The following HMOX2 variants were observed in gnomAD, a reference collection of about 807,000 sequenced individuals.
HMOX2 encodes heme oxygenase 2.
Under a neutral mutation model 33.7 loss-of-function variants are expected in HMOX2, and 30 were observed. The observed-to-expected ratio is 0.89, with a 90% CI of 0.67 to 1.21. The LOEUF is 1.21. Among genes scored for constraint, HMOX2 ranks in the 50% most tolerant of loss-of-function variants. HMOX2 has a pLI of 0.00. For synonymous variants in HMOX2, 155 were observed against 155.0 expected (o/e 1.00, Z 0.00); for missense variants, 403 against 399.1 (o/e 1.01, Z -0.08).
In HMOX2 at chr16:4,507,984, G is replaced by A; in HGVS notation, c.476G>A (p.Gly159Glu). The change falls in exon 4 of 6, where the codon GGG becomes GAG. Residue 159 changes from glycine to glutamate, a missense_variant. By Grantham distance (98) the Gly-to-Glu change is moderately conservative. Coordinates refer to ENST00000570646, the MANE Select transcript of HMOX2 (RefSeq NM_002134.4). ...GCCCATGCATACACCCGCTACATGG[G>A]GGATCTCTCGGGGGGCCAGGTGCTG... ...LVAHAYTRYM[G>E]DLSGGQVLKK... The A allele has an allele frequency of 5.0e-6, 8 of 1,614,050 alleles. No homozygotes were observed. The highest frequency in any genetic ancestry group is 6.8e-6 in the Non-Finnish European group (8 of 1,180,000).
Position 4,507,944 on chromosome 16 carries a change from C to T in HMOX2, c.436C>T (p.Pro146Ser), listed in dbSNP as rs2058736423. 4 of 1,613,618 alleles carry T rather than the reference C, an allele frequency of 2.5e-6. No homozygotes were observed. In the African/African-American group the frequency reaches 5.3e-5, roughly 22 times the overall value. The change falls in exon 4 of 6, where the codon CCG (proline) becomes TCG (serine). Residue 146 changes from proline (P) to serine (S), a missense_variant. Pro to Ser is a moderately conservative substitution (Grantham distance 74, BLOSUM62 -1). Transcript: ENST00000570646. ...GATCCACTACATAGGGCAGAACGAG[C>T]CGGAGCTACTGGTGGCCCATGCATA... ...ERIHYIGQNE[P>S]ELLVAHAYTR...
rs374799990 is a variant in HMOX2 at position 4,505,529 on chromosome 16, C to T, written c.5C>T (p.Ser2Leu). ...CAAGAACCACACCCAGCAGCAATGT[C>T]AGCGGAAGTGGAAACCTCAGAGGGG... M[S>L]AEVETSEGVD... The change falls in exon 2 of 6, where the codon TCA becomes TTA. Residue 2 changes from serine (S) to leucine (L), a missense_variant. Coordinates refer to ENST00000570646, the MANE Select transcript of HMOX2 (RefSeq NM_002134.4). 4 of 1,605,240 alleles carry T rather than the reference C, an allele frequency of 2.5e-6. No homozygotes were observed. The highest frequency in any genetic ancestry group is 1.3e-5 in the African/African-American group (1 of 74,596).
chr16:4,478,151 C>T (rs955434734), intron 1 of HMOX2, among the ~76,000 whole-genome samples: 1 of 152,172 alleles, frequency 6.6e-6, no homozygotes, highest in Non-Finnish European at 1.5e-5. Flanking sequence ...CCTCCATTGT[C>T]TGACTTGATT....
At chr16:4,506,087 C>T (rs1170435450) in intron 2 of HMOX2, among the ~76,000 whole-genome samples, 5 of 151,856 alleles carry the variant, frequency 3.3e-5, no homozygotes, top group Admixed American at 2.0e-4. Flanking sequence ...TTTTTTTATC[C>T]CTTGAAATAA....
chr16:4,481,406 T>G (rs1013667997), intron 1 of HMOX2, among the ~76,000 whole-genome samples: 3 of 151,890 alleles, frequency 2.0e-5, no homozygotes, highest in Admixed American at 2.0e-4. Context: ...GCCATCCTGA[T>G]TTTAGTTAAT....
chr16:4,497,387 A>C (rs1378835315), intron 1 of HMOX2, among the ~76,000 whole-genome samples: 1 of 152,148 alleles, frequency 6.6e-6, no homozygotes, highest in African/African-American at 2.4e-5. Flanking sequence ...ACCATTTTAG[A>C]ATTCACTCAG....
chr16:4,509,234 G>A (rs146602425), intron 4 of HMOX2, among the ~76,000 whole-genome samples, 178 bp from the exon 5 acceptor site: 2 of 152,244 alleles, frequency 1.3e-5, no homozygotes, highest in East Asian at 3.9e-4. Flanking sequence ...CACACACGTA[G>A]GAGGATAAGG....
chr16:4,505,155 G>A (rs2058659068), intron 1 of HMOX2, among the ~76,000 whole-genome samples: 1 of 152,182 alleles, frequency 6.6e-6, no homozygotes, highest in Admixed American at 6.5e-5. Context: ...ACAGGGAGTT[G>A]CAGGCAGTGT....
At position 4,510,008 on chromosome 16, in the gene HMOX2, G is replaced by T. The variant is rs1468076434; in HGVS notation, c.*252G>T. On this transcript the variant is annotated 3_prime_UTR_variant, in exon 6 of 6. Transcript: ENST00000570646. ...TGCAGCAAGCCTGGCCCCCGACCCA[G>T]CTCTACTCCAGGCTTCCACACTTCT... 2 of 530,788 alleles carry T rather than the reference G, an allele frequency of 3.8e-6. No homozygotes were observed. The highest frequency in any genetic ancestry group is 6.8e-6 in the Non-Finnish European group (2 of 296,224). 32.9% of individuals were successfully genotyped at this position (530,788 alleles called of 1,614,324 possible).
chr16:4,496,924 T>A (rs1038650001), intron 1 of HMOX2, among the ~76,000 whole-genome samples: 2 of 151,910 alleles, frequency 1.3e-5, no homozygotes, highest in Non-Finnish European at 2.9e-5. Flanking sequence ...CTCAAACTCC[T>A]GGACTCAAGT....
chr16:4,479,820 C>T (rs35341418), intron 1 of HMOX2, among the ~76,000 whole-genome samples: 1 of 142,792 alleles, frequency 7.0e-6, no homozygotes, highest in African/African-American at 2.6e-5. Flanking sequence ...CTCACTGCAA[C>T]CTCCGCCTCC....
chr16:4,490,538 T>C (rs1200257864), intron 1 of HMOX2, among the ~76,000 whole-genome samples: 1 of 152,242 alleles, frequency 6.6e-6, no homozygotes, highest in African/African-American at 2.4e-5. Context: ...AACACATTTC[T>C]GTCAGGGGCT....
chr16:4,491,620 C>G (rs528858672), intron 1 of HMOX2, among the ~76,000 whole-genome samples: 23 of 152,124 alleles, frequency 1.5e-4, no homozygotes, highest in South Asian at 8.3e-4. Flanking sequence ...CCACTGCGCT[C>G]CAGCCTGGGT....
At chr16:4,477,791 C>T (rs1200802209) in intron 1 of HMOX2, among the ~76,000 whole-genome samples, 1 of 152,016 alleles carries the variant, frequency 6.6e-6, no homozygotes, top group Non-Finnish European at 1.5e-5. Flanking sequence ...CGGGGTGGCG[C>T]GTGTCTGTAA....
At chr16:4,488,140 A>C (rs2058220097) in intron 1 of HMOX2, among the ~76,000 whole-genome samples, 2 of 151,706 alleles carry the variant, frequency 1.3e-5, no homozygotes, top group South Asian at 2.1e-4. Flanking sequence ...AAAAAAAAAA[A>C]AAAAAAACAG....
At chr16:4,478,984 G>A (rs149165398) in intron 1 of HMOX2, among the ~76,000 whole-genome samples, 42 of 151,800 alleles carry the variant, frequency 2.8e-4, no homozygotes, top group African/African-American at 9.9e-4. Context: ...GTGAAACCCC[G>A]TCTCTACTAA....
chr16:4,500,452 T>C lies in HMOX2; in HGVS notation c.-41-5032T>C, dbSNP rs17884699. ...GTCACTGTCAAGTGTCACTATTTCATTGAGTCAGAAGCCTGCAGAATTGTT... is the reference window on the plus strand; with the variant it reads ...GTCACTGTCAAGTGTCACTATTTCACTGAGTCAGAAGCCTGCAGAATTGTT... On this transcript the variant is annotated intron_variant, in intron 1 of 5. Transcript: ENST00000570646. 6.6e-3 allele frequency among the ~76,000 whole-genome samples: 1,004 copies of C among 152,202 alleles called. 8 individuals are homozygous for C. The highest frequency in any genetic ancestry group is 0.02 in the Middle Eastern group (6 of 294).
chr16:4,483,160 GGTGTGTGTGT>G (rs35532266), intron 1 of HMOX2, among the ~76,000 whole-genome samples: 5,989 of 131,446 alleles, frequency 0.046, 178 homozygotes, highest in African/African-American at 0.076. Flanking sequence ...TGCAAACCCT[GGTGTGTGTGT>G]GTGTGTGTGT....
At chr16:4,483,322 G>T (rs2141523670) in intron 1 of HMOX2, among the ~76,000 whole-genome samples, 1 of 151,960 alleles carries the variant, frequency 6.6e-6, no homozygotes, top group South Asian at 2.1e-4. Flanking sequence ...GAGGTTAAGG[G>T]GGTAGGGCTG....
Sources: allele counts gnomAD v4.1 joint callset (sites outside exome capture counted in the v4.1 genomes callset), GRCh38; gene constraint gnomAD v4.1.1; transcripts MANE v1.5; gene names NCBI Gene and HGNC (gene_info 2026-07-23, HGNC 2026-07-21).